Variants in EYS observed in about 807,000 individuals in gnomAD.
EYS encodes the protein protein eyes shut homolog.
Under a neutral mutation model 282.1 loss-of-function variants are expected in EYS, and 250 were observed. That is an observed-to-expected ratio of 0.89 (90% confidence interval 0.80 to 0.98). The LOEUF (loss-of-function observed/expected upper bound fraction) is 0.98. Among genes scored for constraint, EYS ranks in the 50% least tolerant of loss-of-function variants. The pLI is 0.00. For synonymous variants in EYS, 1,355 were observed against 1,282.9 expected (o/e 1.06, Z -1.20); for missense variants, 4,016 against 3,709.0 (o/e 1.08, Z -2.15).
At chr6:63,952,156 C>G (rs1033331639) in intron 35 of EYS, among the ~76,000 whole-genome samples, 1 of 152,238 alleles carries the variant, frequency 6.6e-6, no homozygotes, top group Non-Finnish European at 1.5e-5. Context: ...CCTACAGGAC[C>G]TCCTCCATCA....
intron 37 of EYS, among the ~76,000 whole-genome samples, chr6:63,789,492 G>T (rs1770453793): frequency 6.6e-6 from 1 of 152,106 alleles, no homozygotes; most frequent in African/African-American, 2.4e-5. Context: ...AGTTGAATGG[G>T]ATTAAAATCT....
rs986679506 is a variant in EYS, at chr6:63,721,776, A to G, written c.8255T>C (p.Leu2752Ser). 3 of 1,544,570 alleles carry G rather than the reference A, an allele frequency of 1.9e-6. No individual in the cohort carries two copies. Among genetic ancestry groups the G allele is most frequent in the African/African-American group, 2.8e-5 (2 of 72,678 alleles). ...GCGAAGTTGAACGGAACTATTTACT[A>G]AAGAGATGCATAAAAAATCACCTGC... The part of the protein sequence containing the change: ...AQSGDFLCIS[L>S]VNSSVQLRYN... Residue 2752 changes from leucine (L) to serine (S), a missense_variant, in exon 43 of 43, where the codon TTA becomes TCA. Coordinates refer to ENST00000503581, the MANE Select transcript of EYS (RefSeq NM_001142800.2).
At chr6:64,659,009 G>A (rs577001924) in intron 22 of EYS, among the ~76,000 whole-genome samples, 1 of 152,292 alleles carries the variant, frequency 6.6e-6, no homozygotes, top group African/African-American at 2.4e-5. Context: ...CTCAGCAAAT[G>A]CAAAAGAACA....
intron 31 of EYS, among the ~76,000 whole-genome samples, chr6:64,096,769 A>T (rs1353339480): frequency 3.3e-5 from 5 of 152,142 alleles, no homozygotes; most frequent in African/African-American, 1.2e-4. Flanking sequence ...GTCATTCTCC[A>T]TCCAGCTTTG....
intron 13 of EYS, among the ~76,000 whole-genome samples, chr6:65,045,458 G>A (rs1773073690): frequency 6.6e-6 from 1 of 151,732 alleles, no homozygotes. Context: ...GGAGTCTTTG[G>A]GGGCATGATG....
intron 30 of EYS, among the ~76,000 whole-genome samples, chr6:64,301,942 A>AGCCCATCAATATTGTTAGCG (rs1769253680): frequency 6.6e-6 from 1 of 152,286 alleles, no homozygotes; most frequent in Admixed American, 6.5e-5. Flanking sequence ...TTTTCCGCTC[A>AGCCCATCAATATTGTTAGCG]GCCCATCAAT....
intron 30 of EYS, among the ~76,000 whole-genome samples, chr6:64,273,321 G>A (rs1582518089): frequency 6.6e-6 from 1 of 152,062 alleles, no homozygotes; most frequent in South Asian, 2.1e-4. Context: ...TTTTCTGATC[G>A]ACTTCTTTAT....
At chr6:65,029,979 C>T (rs1449567343) in intron 13 of EYS, among the ~76,000 whole-genome samples, 1 of 152,124 alleles carries the variant, frequency 6.6e-6, no homozygotes, top group Non-Finnish European at 1.5e-5. Flanking sequence ...TTCAGGACAC[C>T]TCATGGCCAC....
At chr6:64,616,800 A>G (rs1767287794) in intron 24 of EYS, among the ~76,000 whole-genome samples, 1 of 152,142 alleles carries the variant, frequency 6.6e-6, no homozygotes, top group African/African-American at 2.4e-5. Context: ...CTGGTCTAAT[A>G]ATGATATTTA....
chr6:65,556,523 C>T (rs1456956140), intron 2 of EYS, among the ~76,000 whole-genome samples: 1 of 151,960 alleles, frequency 6.6e-6, no homozygotes, highest in Non-Finnish European at 1.5e-5. Flanking sequence ...GATATCATTC[C>T]TATTTTACAG....
Position 65,197,297 on chromosome 6 carries a change from G to T in EYS, c.2023+98566C>A, listed in dbSNP as rs140373726. On this transcript the variant is annotated intron_variant, in intron 12 of 42. Coordinates refer to ENST00000503581, the MANE Select transcript of EYS (RefSeq NM_001142800.2). ...ACGGATTGGTGTGATTAGACAAAAGGTGGAAGCTATTACTTCTTTTTGCTT... is the reference window on the plus strand; with the variant it reads ...ACGGATTGGTGTGATTAGACAAAAGTTGGAAGCTATTACTTCTTTTTGCTT... Among the ~76,000 whole-genome samples, 467 of 152,186 alleles carry T rather than the reference G, an allele frequency of 3.1e-3. 3 individuals are homozygous for T. The highest frequency in any genetic ancestry group is 0.011 in the African/African-American group (447 of 41,562).
intron 22 of EYS, among the ~76,000 whole-genome samples, chr6:64,670,321 T>G (rs1769405135): frequency 6.6e-6 from 1 of 151,982 alleles, no homozygotes; most frequent in Non-Finnish European, 1.5e-5. Flanking sequence ...TCTCCCCTAT[T>G]TCAACAGCCT....
chr6:64,891,475 G>T (rs1767291006), intron 18 of EYS, among the ~76,000 whole-genome samples: 1 of 151,938 alleles, frequency 6.6e-6, no homozygotes, highest in Non-Finnish European at 1.5e-5. Context: ...TTTTTACTTT[G>T]CACTTAACGT....
In EYS at chr6:64,363,405, G is replaced by A. The variant is rs535156467; in HGVS notation, c.6078+25285C>T. Among the ~76,000 whole-genome samples, 3 of 151,976 alleles carry A rather than the reference G, an allele frequency of 2.0e-5. No individual in the cohort carries two copies. In the South Asian group the frequency reaches 6.2e-4, roughly 31 times the overall value. On this transcript the variant is annotated intron_variant, in intron 29 of 42. Coordinates refer to ENST00000503581, the MANE Select transcript of EYS (RefSeq NM_001142800.2). The stretch of plus-strand genomic sequence containing the variant: ...TTAAGCTGAGAGGCATGCTTGAGTG[G>A]CAGGGACTTGGTGGTGACTTCATTA...
At chr6:64,714,577 G>A (rs1162066297) in intron 22 of EYS, among the ~76,000 whole-genome samples, 1 of 146,518 alleles carries the variant, frequency 6.8e-6, no homozygotes, top group East Asian at 2.1e-4. Flanking sequence ...CCAGGCTGGA[G>A]TGCAGTGGCG....
intron 2 of EYS, among the ~76,000 whole-genome samples, chr6:65,592,409 T>A (rs531591691): frequency 6.6e-6 from 1 of 152,106 alleles, no homozygotes; most frequent in Admixed American, 6.6e-5. Flanking sequence ...GAAACAGATA[T>A]TTTATTACTA....
chr6:65,236,145 A>T (rs1176498971), intron 12 of EYS, among the ~76,000 whole-genome samples: 1 of 151,960 alleles, frequency 6.6e-6, no homozygotes, highest in Non-Finnish European at 1.5e-5. Context: ...ATGATTAATT[A>T]CTCTTTAAAG....
intron 11 of EYS, among the ~76,000 whole-genome samples, chr6:65,314,162 C>T (rs1376899453): frequency 2.6e-5 from 4 of 151,638 alleles, no homozygotes; most frequent in Non-Finnish European, 5.9e-5. Context: ...TGCTTACATG[C>T]TTCCTTACCT....
At chr6:65,644,985 A>G (rs556607802) in intron 1 of EYS, among the ~76,000 whole-genome samples, 3 of 152,316 alleles carry the variant, frequency 2.0e-5, no homozygotes, top group South Asian at 4.1e-4. Context: ...TTATATAACA[A>G]TAACACAATG....
Sources: gnomAD v4.1 joint callset for allele counts (sites outside exome capture counted in the v4.1 genomes callset) on GRCh38, gnomAD v4.1.1 for gene constraint, MANE v1.5 for transcripts, NCBI Gene and HGNC (gene_info 2026-07-23, HGNC 2026-07-21) for gene names.